Variants in DLGAP2 observed in about 807,000 individuals in gnomAD.
DLGAP2 encodes DLG associated protein 2.
A neutral mutation model predicts 100.3 loss-of-function variants in DLGAP2; 26 were observed. That is an observed-to-expected ratio of 0.26 (90% CI 0.19 to 0.36). The LOEUF is 0.36. DLGAP2 is among the 10% of genes least tolerant of loss of function. The pLI, the probability that DLGAP2 is intolerant of heterozygous loss-of-function variation, is 1.00. For missense variants in DLGAP2, 1,858 were observed against 1,453.2 expected, an observed-to-expected ratio of 1.28 and a Z score of -4.53; for synonymous variants, 886 against 630.1, an observed-to-expected ratio of 1.41 and a Z score of -6.08.
intron 1 of DLGAP2, among the ~76,000 whole-genome samples, chr8:865,502 G>A (rs538026543): frequency 2.0e-5 from 3 of 152,176 alleles, no homozygotes; most frequent in Admixed American, 1.3e-4. Context: ...ATGTTCCCCG[G>A]GGCTGAGTTT....
chr8:1,449,102 G>A (rs963367497), intron 3 of DLGAP2, among the ~76,000 whole-genome samples: 5 of 152,138 alleles, frequency 3.3e-5, no homozygotes, highest in South Asian at 2.1e-4. Flanking sequence ...CTGTCATCCC[G>A]GCCTAATGAT....
At position 1,540,299 on chromosome 8, in the gene DLGAP2, G is replaced by T. The variant is rs542035585; in HGVS notation, c.173-8327G>T. ...CTGTCTGACGTTTGCCTGTTTATCT[G>T]TTTATTGCCGGTACCACCACCCAAC... On this transcript the variant is annotated intron_variant, in intron 4 of 14. Coordinates refer to ENST00000637795, the MANE Select transcript of DLGAP2 (RefSeq NM_001346810.2). Among the ~76,000 whole-genome samples, 66 of 152,300 alleles carry T rather than the reference G, an allele frequency of 4.3e-4. No individual in the cohort carries two copies. The Middle Eastern group carries it at 0.017, about 40-fold the overall frequency.
intron 4 of DLGAP2, among the ~76,000 whole-genome samples, chr8:1,525,339 T>TG (rs1196825117): frequency 2.6e-5 from 4 of 152,212 alleles, no homozygotes; most frequent in Non-Finnish European, 4.4e-5. Flanking sequence ...TTTTGGTTAA[T>TG]GGCTTTTTAT....
chr8:1,693,533 C>G (rs75444413), intron 13 of DLGAP2, among the ~76,000 whole-genome samples: 1 of 152,166 alleles, frequency 6.6e-6, no homozygotes, highest in Non-Finnish European at 1.5e-5. Context: ...AATAGGTCTT[C>G]TCTAGGCCTC....
intron 3 of DLGAP2, among the ~76,000 whole-genome samples, chr8:1,424,000 G>A (rs1797173228): frequency 6.6e-6 from 1 of 152,220 alleles, no homozygotes; most frequent in South Asian, 2.1e-4. Context: ...TGCAAAAATA[G>A]CAGCCGGATT....
At chr8:1,209,687 C>T (rs867504944) in intron 2 of DLGAP2, among the ~76,000 whole-genome samples, 17 of 152,082 alleles carry the variant, frequency 1.1e-4, no homozygotes, top group African/African-American at 3.6e-4. Flanking sequence ...AATGTCTGAA[C>T]GTGTTATTAA....
At chr8:1,584,895 T>C (rs910727789) in intron 6 of DLGAP2, among the ~76,000 whole-genome samples, 1 of 152,202 alleles carries the variant, frequency 6.6e-6, no homozygotes, top group Non-Finnish European at 1.5e-5. Context: ...TTTTACCTCA[T>C]TTCTTTCTTC....
intron 3 of DLGAP2, chr8:1,302,626 GC>G (rs1217270792): frequency 7.2e-5 from 11 of 152,328 alleles, no homozygotes; most frequent in Non-Finnish European, 1.2e-4. Flanking sequence ...CCCGAGCCCT[GC>G]TCCATACCCG....
At chr8:961,372 AT>A (rs1799721520) in intron 2 of DLGAP2, among the ~76,000 whole-genome samples, 1 of 151,378 alleles carries the variant, frequency 6.6e-6, no homozygotes, top group African/African-American at 2.4e-5. Flanking sequence ...ACTCCACACA[AT>A]TTTGCATATT....
intron 3 of DLGAP2, among the ~76,000 whole-genome samples, chr8:1,422,908 C>T (rs1229887971): frequency 1.3e-5 from 2 of 152,162 alleles, no homozygotes; most frequent in African/African-American, 4.8e-5. Flanking sequence ...GCTCCAGCTC[C>T]TTCCTCACTT....
chr8:781,305 C>T (rs563051481), intron 1 of DLGAP2, among the ~76,000 whole-genome samples: 17 of 152,116 alleles, frequency 1.1e-4, no homozygotes, highest in African/African-American at 2.4e-4. Context: ...ATTTAAATGA[C>T]GTTAAGTTTT....
At chr8:1,431,953 G>C (rs1484572970) in intron 3 of DLGAP2, among the ~76,000 whole-genome samples, 2 of 150,508 alleles carry the variant, frequency 1.3e-5, no homozygotes, top group Admixed American at 1.3e-4. Flanking sequence ...ATGCCAGCCA[G>C]CACCGCTACG....
At chr8:1,376,837 C>T (rs565959403) in intron 3 of DLGAP2, among the ~76,000 whole-genome samples, 2 of 151,862 alleles carry the variant, frequency 1.3e-5, no homozygotes, top group East Asian at 1.9e-4. Context: ...CTACTGCAAG[C>T]GTATTTGGCC....
intron 1 of DLGAP2, among the ~76,000 whole-genome samples, chr8:900,342 C>T (rs938506938): frequency 9.4e-5 from 14 of 148,534 alleles, no homozygotes; most frequent in Non-Finnish European, 1.8e-4. Flanking sequence ...CCCGGGTGGA[C>T]GGTGGGCGCC....
chr8:958,580 TCC>T (rs750936703), intron 2 of DLGAP2, among the ~76,000 whole-genome samples: 2 of 68,366 alleles, frequency 2.9e-5, no homozygotes, highest in African/African-American at 1.3e-4. Flanking sequence ...AAACTAGACC[TCC>T]AAAAAAAAAA....
chr8:1,321,087 G>T (rs907525288), intron 3 of DLGAP2, among the ~76,000 whole-genome samples: 1 of 151,946 alleles, frequency 6.6e-6, no homozygotes, highest in African/African-American at 2.4e-5. Context: ...GCCTCTGTGT[G>T]TGCGCATGCA....
At chr8:1,598,645 T>A (rs1310527450) in intron 6 of DLGAP2, among the ~76,000 whole-genome samples, 2 of 152,228 alleles carry the variant, frequency 1.3e-5, no homozygotes, top group Non-Finnish European at 2.9e-5. Flanking sequence ...TTCTAGTTTA[T>A]TTGTGTAGAG....
chr8:889,270 G>T (rs1157298449), intron 1 of DLGAP2, among the ~76,000 whole-genome samples: 1 of 152,206 alleles, frequency 6.6e-6, no homozygotes, highest in Non-Finnish European at 1.5e-5. Flanking sequence ...GGCTTAGCTT[G>T]GGCTCAGAGG....
At chr8:1,417,183 T>TCTGAGGCGGGGGAGACC (rs1563133761) in intron 3 of DLGAP2, among the ~76,000 whole-genome samples, 28 of 88,094 alleles carry the variant, frequency 3.2e-4, no homozygotes, top group African/African-American at 1.1e-3. Flanking sequence ...GTTCATTTAG[T>TCTGAGGCGGGGGAGACC]GTCTGAGGCG....
Sources: allele counts gnomAD v4.1 joint callset (sites outside exome capture counted in the v4.1 genomes callset), GRCh38; gene constraint gnomAD v4.1.1; transcripts MANE v1.5; gene names NCBI Gene and HGNC (gene_info 2026-07-23, HGNC 2026-07-21).